The following SMARCD3 variants were observed in gnomAD, a reference collection of about 807,000 sequenced individuals.
SMARCD3 encodes the protein SWI/SNF related BAF chromatin remodeling complex subunit D3.
Under a neutral mutation model 58.0 loss-of-function variants are expected in SMARCD3, and 14 were observed. The observed-to-expected ratio is 0.24, with a 90% CI of 0.16 to 0.38. The LOEUF (loss-of-function observed/expected upper bound fraction) is 0.38. SMARCD3 is among the 10% of genes least tolerant of loss of function. The probability of loss-of-function intolerance (pLI) is 1.00; values close to 1 mark genes in which losing one functional copy is unlikely to be tolerated. For synonymous variants in SMARCD3, 253 were observed against 253.8 expected (o/e 1.00, Z 0.03); for missense variants, 408 against 636.9 (o/e 0.64, Z 3.87).
In SMARCD3 at chr7:151,248,160, C is replaced by T. The variant is rs1803363300; in HGVS notation, c.78+325G>A. On this transcript the variant is annotated intron_variant, in intron 1 of 12. Transcript: ENST00000262188. This position sits in a 1 kb window ranked among gnomAD's most constrained non-coding sequence, Gnocchi z 6.1. ...CCCAGGGCAGGGGCAACACCTGGGC[C>T]CACAAGGAAAAGAACGAAAGTCAAC... Among the ~76,000 whole-genome samples, 1 of 151,918 alleles carries T rather than the reference C, an allele frequency of 6.6e-6. No homozygotes were observed. Among genetic ancestry groups the T allele is most frequent in the Non-Finnish European group, 1.5e-5 (1 of 67,932 alleles).
intron 2 of SMARCD3, among the ~76,000 whole-genome samples, chr7:151,273,016 G>A (rs1269989948): frequency 4.6e-5 from 7 of 152,324 alleles, no homozygotes; most frequent in East Asian, 1.9e-4. Context: ...CAGTCACACC[G>A]CCAGTTTTGG....
chr7:151,240,767 G>T, intron 8 of SMARCD3: 1 of 525,606 alleles, frequency 1.9e-6, no homozygotes, highest in South Asian at 2.1e-5. Context: ...GCCTGCTTAT[G>T]TATCAGTCCT....
chr7:151,238,872 G>C lies in SMARCD3; in HGVS notation c.*231C>G. ...GAGTAAGGAGAAGAATCCAAGGGAA[G>C]GGAATGGGGAGTCGTCCCGAGGGAC... On this transcript the variant is annotated 3_prime_UTR_variant, in exon 13 of 13. Transcript: ENST00000262188. 7.3e-7 allele frequency: 1 copy of C among 1,377,496 alleles called. No homozygotes were observed. The highest frequency in any genetic ancestry group is 2.5e-5 in the East Asian group (1 of 39,994). 85.3% of individuals were successfully genotyped at this position (1,377,496 alleles called of 1,614,324 possible).
At chr7:151,259,655 G>A (rs1356783496) in intron 2 of SMARCD3, among the ~76,000 whole-genome samples, 2 of 124,570 alleles carry the variant, frequency 1.6e-5, no homozygotes, top group Non-Finnish European at 3.2e-5. Context: ...TGTCACCCAG[G>A]CTGGAGTGCA....
At chr7:151,275,129 T>C in exon 2 of SMARCD3, 17 of 1,612,024 alleles carry the variant, frequency 1.1e-5, no homozygotes, top group Non-Finnish European at 1.4e-5. Context: ...CCACGGTGGG[T>C]GGGTGCTGAA....
chr7:151,268,068 T>A (rs908187111), intron 2 of SMARCD3, among the ~76,000 whole-genome samples: 1 of 152,172 alleles, frequency 6.6e-6, no homozygotes, highest in African/African-American at 2.4e-5. Flanking sequence ...AATGCTGGTT[T>A]GTTTTCTGGG....
At chr7:151,256,160 G>A (rs1803690423) in intron 2 of SMARCD3, among the ~76,000 whole-genome samples, 1 of 151,004 alleles carries the variant, frequency 6.6e-6, no homozygotes, top group South Asian at 2.1e-4. Context: ...GGGATTACAG[G>A]CATGAGCCAC....
intron 10 of SMARCD3, 78 bp downstream of exon 10, chr7:151,240,034 C>A (rs1337552391): frequency 1.4e-6 from 2 of 1,470,978 alleles, no homozygotes; most frequent in Non-Finnish European, 1.9e-6. Flanking sequence ...TCATCTGCAA[C>A]CACACCCTGG....
Position 151,248,649 on chromosome 7 carries a change from C to G in SMARCD3, c.-87G>C, listed in dbSNP as rs1584877218. On this transcript the variant is annotated 5_prime_UTR_variant, in exon 1 of 13. Coordinates refer to ENST00000262188, the MANE Select transcript of SMARCD3 (RefSeq NM_001003801.2). The surrounding 1 kb of genome is among the most constrained non-coding windows in gnomAD (Gnocchi z 6.1). ...GCCTTTTTTTTTCCTCCAACTCTCCCCTCTGAGTCCTGCTGGGCTCTCTCA... is the reference window on the plus strand; with the variant it reads ...GCCTTTTTTTTTCCTCCAACTCTCCGCTCTGAGTCCTGCTGGGCTCTCTCA... 8.9e-6 allele frequency: 14 copies of G among 1,579,538 alleles called. No homozygotes were observed. In the East Asian group the frequency reaches 3.3e-4, roughly 37 times the overall value.
At chr7:151,249,509 G>A (rs1166219039), upstream of SMARCD3, 1 of 152,286 alleles carries the variant, frequency 6.6e-6, no homozygotes, top group African/African-American at 2.4e-5. This position sits in a 1 kb window ranked among gnomAD's most constrained non-coding sequence, Gnocchi z 4.8. Flanking sequence ...GAGGGCAATA[G>A]GGGAAGTATT....
At chr7:151,252,446 A>T (rs1359835950), upstream of SMARCD3, among the ~76,000 whole-genome samples, 1 of 150,526 alleles carries the variant, frequency 6.6e-6, no homozygotes, top group African/African-American at 2.5e-5. Flanking sequence ...TGTGTGAGAG[A>T]GAGAGAGAGC....
In SMARCD3 at chr7:151,267,782, G is replaced by C. The variant is rs938401734; in HGVS notation, c.39+7332C>G. On this transcript the variant is annotated intron_variant, in intron 2 of 13. Coordinates refer to the SMARCD3 transcript ENST00000356800. ...GCTTGAGCTCAAGAGTTTGAGACCA[G>C]CCTGGGCAAGATAGCAAGACTCCTC... is the stretch of plus-strand genomic sequence containing the variant. 5.3e-5 allele frequency among the ~76,000 whole-genome samples: 8 copies of C among 152,178 alleles called. No individual in the cohort carries two copies. The East Asian group carries it at 1.5e-3, about 29-fold the overall frequency.
Position 151,239,289 on chromosome 7 carries a change from G to T in SMARCD3, c.1398+107C>A. The T allele has an allele frequency of 7.6e-7, 1 of 1,313,994 alleles. No individual in the cohort carries two copies. The highest frequency in any genetic ancestry group is 1.1e-6 in the Non-Finnish European group (1 of 908,976). 81.4% of individuals were successfully genotyped at this position (1,313,994 alleles called of 1,614,324 possible). A position where few individuals can be genotyped will look rare whatever the true frequency, so the allele number is the denominator to read the frequency against. On this transcript the variant is annotated intron_variant, in intron 12 of 12. Transcript: ENST00000262188. The surrounding 1 kb of genome is among the most constrained non-coding windows in gnomAD (Gnocchi z 7.0). ...GGGCCATTGCATGGTGAGGCAGCGT[G>T]GTGAAGCTTTACTGTGGGGAGCTGC...
chr7:151,261,597 G>A lies in SMARCD3; in HGVS notation c.39+13517C>T, dbSNP rs577357257. Among the ~76,000 whole-genome samples the A allele has an allele frequency of 2.7e-4, 41 of 152,332 alleles. 1 individual carries two copies. In the South Asian group the frequency reaches 8.1e-3, roughly 30 times the overall value. ...GCCTGGCACAGGGTCAACACTTAAC[G>A]AGCAGCAGCTGTTAACATCAGCTTC... is the stretch of plus-strand genomic sequence containing the variant. On this transcript the variant is annotated intron_variant, in intron 2 of 13. Coordinates refer to the SMARCD3 transcript ENST00000356800.
intron 1 of SMARCD3, among the ~76,000 whole-genome samples, chr7:151,247,815 A>C (rs1803343988): frequency 6.6e-6 from 1 of 151,910 alleles, no homozygotes; most frequent in South Asian, 2.1e-4. Flanking sequence ...TCTAGGCCTC[A>C]TGTCCCCAAC....
chr7:151,239,520 C>A lies in SMARCD3; in HGVS notation c.1297-23G>T, dbSNP rs1253774265. On this transcript the variant is annotated intron_variant, in intron 11 of 12. Transcript: ENST00000262188. This position sits in a 1 kb window ranked among gnomAD's most constrained non-coding sequence, Gnocchi z 7.0. ...CACCTGGGAGGGAGCGTGGGGTGAG[C>A]CCTGAGCCCTGAATCCCCTCACCTG... 1.9e-6 allele frequency: 3 copies of A among 1,609,608 alleles called. No individual in the cohort carries two copies. Among genetic ancestry groups the A allele is most frequent in the East Asian group, 2.2e-5 (1 of 44,800 alleles).
intron 2 of SMARCD3, among the ~76,000 whole-genome samples, chr7:151,265,554 A>G (rs1312521768): frequency 6.6e-6 from 1 of 152,212 alleles, no homozygotes; most frequent in Non-Finnish European, 1.5e-5. Flanking sequence ...GGTCATCACG[A>G]GACCTGCCTG....
At chr7:151,257,166 T>G (rs1349109013) in intron 2 of SMARCD3, among the ~76,000 whole-genome samples, 3 of 152,148 alleles carry the variant, frequency 2.0e-5, no homozygotes, top group Non-Finnish European at 4.4e-5. Flanking sequence ...GCTGGCATTT[T>G]AGGCGTGAGC....
At position 151,238,929 on chromosome 7, in the gene SMARCD3, T is replaced by C; in HGVS notation, c.*174A>G. On this transcript the variant is annotated 3_prime_UTR_variant, in exon 13 of 13. Coordinates refer to ENST00000262188, the MANE Select transcript of SMARCD3 (RefSeq NM_001003801.2). ...CCTCCCCACCTTCTTCCCTTCCCCT[T>C]CTCTCCCCCTCCCCTCCCCAGTTTC... 9.6e-7 allele frequency: 1 copy of C among 1,037,842 alleles called. No homozygotes were observed. Among genetic ancestry groups the C allele is most frequent in the South Asian group, 1.5e-5 (1 of 68,376 alleles). 64.3% of individuals were successfully genotyped at this position (1,037,842 alleles called of 1,614,324 possible).
Sources: gnomAD v4.1 joint callset for allele counts (sites outside exome capture counted in the v4.1 genomes callset) on GRCh38, gnomAD v4.1.1 for gene constraint, Gnocchi (gnomAD v3.1) non-coding constraint, MANE v1.5 for transcripts, NCBI Gene and HGNC (gene_info 2026-07-23, HGNC 2026-07-21) for gene names.